TIAM1: variants seen among roughly 807,000 people sequenced by gnomAD.
The protein encoded by TIAM1 is rho guanine nucleotide exchange factor TIAM1.
In TIAM1, 65 loss-of-function variants were observed where a neutral mutation model predicts 163.5. That is an observed-to-expected ratio of 0.40 (90% CI 0.33 to 0.49). The LOEUF (loss-of-function observed/expected upper bound fraction) is 0.49, where lower values mean the gene tolerates loss of function less well. TIAM1 is among the 20% of genes least tolerant of loss of function. The pLI, the probability that TIAM1 is intolerant of heterozygous loss-of-function variation, is 0.77. For synonymous variants in TIAM1, 833 were observed against 810.1 expected, an observed-to-expected ratio of 1.03 and a Z score of -0.48; for missense variants, 1,789 against 2,044.7, an observed-to-expected ratio of 0.87 and a Z score of 2.41.
intron 4 of TIAM1, among the ~76,000 whole-genome samples, chr21:31,263,184 C>T (rs1341707953): frequency 6.9e-6 from 1 of 145,170 alleles, no homozygotes; most frequent in African/African-American, 2.9e-5. Flanking sequence ...TACTTCCGTG[C>T]ATTTTATACG....
chr21:31,218,206 C>T (rs1472225265), intron 8 of TIAM1, among the ~76,000 whole-genome samples: 3 of 152,116 alleles, frequency 2.0e-5, no homozygotes, highest in Non-Finnish European at 4.4e-5. Flanking sequence ...TATAAAATCA[C>T]GTTTTAAAAT....
At chr21:31,289,698 C>T (rs1421725488) in intron 2 of TIAM1, among the ~76,000 whole-genome samples, 2 of 152,134 alleles carry the variant, frequency 1.3e-5, no homozygotes, top group African/African-American at 4.8e-5. Flanking sequence ...CCCATATTCC[C>T]CTCCCTAAAA....
intron 2 of TIAM1, among the ~76,000 whole-genome samples, chr21:31,325,092 C>T (rs1198226111): frequency 1.3e-5 from 2 of 150,526 alleles, no homozygotes; most frequent in African/African-American, 4.9e-5. Context: ...CCAGCCTGGA[C>T]AACATGGCAA....
chr21:31,165,091 G>A, intron 15 of TIAM1, 26 bp from the exon 16 acceptor site: 1 of 1,611,012 alleles, frequency 6.2e-7, no homozygotes, highest in Non-Finnish European at 8.5e-7. Context: ...AGAAGAAAAT[G>A]TGGGTCAACA....
intron 1 of TIAM1, among the ~76,000 whole-genome samples, chr21:31,527,201 C>T (rs1225913096): frequency 6.6e-6 from 1 of 152,144 alleles, no homozygotes; most frequent in Admixed American, 6.6e-5. Context: ...TGCCTCCTGC[C>T]TCTGTTAACC....
At chr21:31,451,915 G>A (rs2044874622) in intron 2 of TIAM1, among the ~76,000 whole-genome samples, 1 of 152,228 alleles carries the variant, frequency 6.6e-6, no homozygotes, top group East Asian at 1.9e-4. Context: ...AAAAAGAAGG[G>A]TCAGTGCTAA....
At chr21:31,521,745 AACACACACACACAC>A (rs35006738) in intron 1 of TIAM1, among the ~76,000 whole-genome samples, 1 of 146,862 alleles carries the variant, frequency 6.8e-6, no homozygotes, top group Admixed American at 6.8e-5. Flanking sequence ...CTCACACACA[AACACACACACACAC>A]ACACACACAC....
At chr21:31,523,439 T>C (rs896927108) in intron 1 of TIAM1, among the ~76,000 whole-genome samples, 6 of 152,308 alleles carry the variant, frequency 3.9e-5, no homozygotes, top group African/African-American at 1.4e-4. Context: ...TGCAGAAAGA[T>C]GTCTGGATTT....
chr21:31,505,581 G>A (rs1230003960), intron 1 of TIAM1, among the ~76,000 whole-genome samples: 1 of 152,114 alleles, frequency 6.6e-6, no homozygotes, highest in Non-Finnish European at 1.5e-5. Flanking sequence ...CTCATTGAGT[G>A]TAGACATTGC....
intron 2 of TIAM1, among the ~76,000 whole-genome samples, chr21:31,302,462 T>C (rs1040985350): frequency 2.6e-5 from 4 of 152,188 alleles, no homozygotes; most frequent in African/African-American, 9.7e-5. Flanking sequence ...CCGCAACCCC[T>C]CATTCTCTTC....
intron 8 of TIAM1, among the ~76,000 whole-genome samples, chr21:31,221,990 G>A (rs970464924): frequency 6.6e-6 from 1 of 152,208 alleles, no homozygotes; most frequent in Non-Finnish European, 1.5e-5. Context: ...TAGCTGTATG[G>A]AGAGGTGGTA....
intron 1 of TIAM1, among the ~76,000 whole-genome samples, chr21:31,544,109 C>T (rs965690918): frequency 1.3e-5 from 2 of 152,094 alleles, no homozygotes; most frequent in Non-Finnish European, 2.9e-5. Context: ...ACTCAGGAGG[C>T]TGAGACAGGA....
At chr21:31,144,678 A>T (rs187970889) in intron 20 of TIAM1, among the ~76,000 whole-genome samples, 1 of 151,692 alleles carries the variant, frequency 6.6e-6, no homozygotes, top group Admixed American at 6.6e-5. Context: ...AAAATACAAA[A>T]ATTAGCTGGG....
intron 13 of TIAM1, among the ~76,000 whole-genome samples, chr21:31,192,507 C>T (rs974873553): frequency 6.6e-6 from 1 of 151,990 alleles, no homozygotes; most frequent in Admixed American, 6.6e-5. Context: ...ATCCCAGCTA[C>T]TTGGGAAGCA....
At chr21:31,368,326 C>T (rs564017466) in intron 2 of TIAM1, among the ~76,000 whole-genome samples, 4 of 151,852 alleles carry the variant, frequency 2.6e-5, no homozygotes, top group Admixed American at 2.0e-4. Context: ...ATTTATTTTA[C>T]GCTTTCTTAA....
At chr21:31,127,297 ATC>A (rs1189789197) in intron 25 of TIAM1, 145 bp from the exon 26 acceptor site, 47 of 719,842 alleles carry the variant, frequency 6.5e-5, no homozygotes, top group Non-Finnish European at 1.0e-4. Flanking sequence ...CTATTTCACA[ATC>A]TAAAGAGATG....
chr21:31,522,833 A>C lies in TIAM1; in HGVS notation c.-422+36094T>G, dbSNP rs868811561. On this transcript the variant is annotated intron_variant, in intron 1 of 28. Coordinates refer to the TIAM1 transcript ENST00000286827. ...AAGTTTCTTTTGATTTGACCAATTA[A>C]AACAACATTTTTTTCTCATATCTAA... Among the ~76,000 whole-genome samples the C allele has an allele frequency of 2.2e-4, 33 of 152,354 alleles. No individual in the cohort carries two copies. In the Middle Eastern group the frequency reaches 0.017, roughly 79 times the overall value.
chr21:31,210,535 AAAGAAAGAAAGAAAGAAAG>A (rs1269261605), intron 10 of TIAM1, among the ~76,000 whole-genome samples: 1 of 12,184 alleles, frequency 8.2e-5, no homozygotes, highest in African/African-American at 3.7e-4. Context: ...GAAGGAAGGA[AAAGAAAGAAAGAAAGAAAG>A]AAAGAAAGAA....
chr21:31,396,456 AC>A (rs1448097729), intron 2 of TIAM1, among the ~76,000 whole-genome samples: 1 of 151,594 alleles, frequency 6.6e-6, no homozygotes, highest in East Asian at 1.9e-4. Context: ...GATACCTATC[AC>A]CCCCTCCATG....
Sources: allele counts gnomAD v4.1 joint callset (sites outside exome capture counted in the v4.1 genomes callset), GRCh38; gene constraint gnomAD v4.1.1; transcripts MANE v1.5; gene names NCBI Gene and HGNC (gene_info 2026-07-23, HGNC 2026-07-21).